STXBP4: variants seen among roughly 807,000 people sequenced by gnomAD.
STXBP4 encodes the protein syntaxin binding protein 4.
STXBP4 carries 55 observed loss-of-function variants against 76.1 expected under a neutral mutation model. The observed-to-expected ratio is 0.72, with a 90% CI of 0.58 to 0.91. The LOEUF (loss-of-function observed/expected upper bound fraction) is 0.91. Among genes scored for constraint, STXBP4 ranks in the 40% least tolerant of loss-of-function variants. The pLI is 0.00. For synonymous variants in STXBP4, 201 were observed against 220.2 expected, an observed-to-expected ratio of 0.91 and a Z score of 0.77; for missense variants, 618 against 636.9, an observed-to-expected ratio of 0.97 and a Z score of 0.32.
intron 16 of STXBP4, among the ~76,000 whole-genome samples, chr17:55,140,260 A>G (rs775523841): frequency 6.6e-6 from 1 of 152,118 alleles, no homozygotes; most frequent in Non-Finnish European, 1.5e-5. Flanking sequence ...ATAAGCTATA[A>G]TTGTGCTACT....
chr17:55,207,797 C>G, the STXBP4 span, among the ~76,000 whole-genome samples: 1 of 152,200 alleles, frequency 6.6e-6, no homozygotes, highest in Non-Finnish European at 1.5e-5. Flanking sequence ...CACGCACGTG[C>G]GCACGTGTGC....
At chr17:55,006,218 A>G (rs955422974) in intron 7 of STXBP4, among the ~76,000 whole-genome samples, 3 of 152,180 alleles carry the variant, frequency 2.0e-5, no homozygotes, top group Non-Finnish European at 2.9e-5. Flanking sequence ...CTTGACACCT[A>G]TAAGCTATAT....
At chr17:54,997,588 A>T (rs28460682) in intron 4 of STXBP4, among the ~76,000 whole-genome samples, 13 of 138,634 alleles carry the variant, frequency 9.4e-5, no homozygotes, top group Non-Finnish European at 1.5e-4. Flanking sequence ...ATATATATAT[A>T]TTTTATATAT....
intron 16 of STXBP4, among the ~76,000 whole-genome samples, chr17:55,137,935 G>A (rs960185856): frequency 2.7e-4 from 41 of 152,024 alleles, no homozygotes; most frequent in East Asian, 7.7e-4. Flanking sequence ...GATGAACATG[G>A]TATCTCATAA....
chr17:55,000,975 G>A (rs2077904667), intron 7 of STXBP4, 92 bp downstream of exon 7: 8 of 829,064 alleles, frequency 9.6e-6, no homozygotes, highest in Admixed American at 7.9e-5. Flanking sequence ...TTGAAGAAGG[G>A]TGAATTATGT....
chr17:55,073,443 T>C (rs550499006), intron 13 of STXBP4, among the ~76,000 whole-genome samples: 1 of 152,320 alleles, frequency 6.6e-6, no homozygotes, highest in East Asian at 1.9e-4. Flanking sequence ...AGGAATGGGT[T>C]TGCTCTTTGA....
intron 11 of STXBP4, chr17:55,044,519 C>A (rs1350514585): frequency 6.6e-6 from 1 of 151,768 alleles, no homozygotes; most frequent in East Asian, 1.9e-4. Context: ...TAAAAATAGG[C>A]AGGGCATGAT....
At chr17:55,037,526 C>T (rs1055924737) in intron 10 of STXBP4, among the ~76,000 whole-genome samples, 2 of 152,052 alleles carry the variant, frequency 1.3e-5, no homozygotes, top group African/African-American at 4.8e-5. Context: ...GAGACTTTGA[C>T]AGCAAAAGCA....
intron 10 of STXBP4, among the ~76,000 whole-genome samples, chr17:55,035,162 T>C (rs1289151400): frequency 1.3e-5 from 2 of 151,964 alleles, no homozygotes; most frequent in African/African-American, 4.8e-5. Flanking sequence ...CTATCTACCA[T>C]TTGAATGTTT....
At chr17:55,013,761 TGG>T (rs2078153802) in intron 8 of STXBP4, among the ~76,000 whole-genome samples, 1 of 152,242 alleles carries the variant, frequency 6.6e-6, no homozygotes, top group Non-Finnish European at 1.5e-5. Context: ...ACTCAAGTCT[TGG>T]GCTAATGCCT....
chr17:55,097,147 G>A (rs2079497474), intron 16 of STXBP4, among the ~76,000 whole-genome samples: 1 of 145,986 alleles, frequency 6.8e-6, no homozygotes, highest in Non-Finnish European at 1.5e-5. Flanking sequence ...TGCTATTTGT[G>A]TTTCTCATTT....
At chr17:55,021,532 C>T (rs2078309818) in intron 8 of STXBP4, among the ~76,000 whole-genome samples, 1 of 152,010 alleles carries the variant, frequency 6.6e-6, no homozygotes, top group Admixed American at 6.6e-5. Context: ...TAATCATAAT[C>T]ATAATTTTTT....
intron 10 of STXBP4, among the ~76,000 whole-genome samples, chr17:55,039,967 T>G (rs1368394495): frequency 3.3e-5 from 5 of 152,088 alleles, no homozygotes; most frequent in Non-Finnish European, 7.4e-5. Context: ...AGAGTGATAG[T>G]TGAGGCATAA....
intron 16 of STXBP4, among the ~76,000 whole-genome samples, chr17:55,098,259 G>GA (rs2145004216): frequency 6.6e-6 from 1 of 152,204 alleles, no homozygotes; most frequent in East Asian, 1.9e-4. Flanking sequence ...GCTTTCAAGT[G>GA]GCAGTAATTT....
At chr17:55,013,472 G>T (rs532484744) in intron 8 of STXBP4, among the ~76,000 whole-genome samples, 2 of 152,318 alleles carry the variant, frequency 1.3e-5, no homozygotes, top group Non-Finnish European at 2.9e-5. Context: ...TTATGCCAAG[G>T]AACTCTCTTA....
At chr17:55,138,634 G>GA (rs1419210146) in intron 16 of STXBP4, among the ~76,000 whole-genome samples, 2 of 151,964 alleles carry the variant, frequency 1.3e-5, no homozygotes, top group Middle Eastern at 3.4e-3. Flanking sequence ...AATATGAAAA[G>GA]AAAAAATAGA....
Position 55,153,521 on chromosome 17 carries a change from TGATA to T in STXBP4, c.1548-6271_1548-6268del, listed in dbSNP as rs144689549. The stretch of plus-strand genomic sequence containing the variant: ...ATTTGTAGTGTAGTCATTTTAACTC[TGATA>T]GATAAACATAACATTAGAATCATAT... On this transcript the variant is annotated intron_variant, in intron 17 of 17. Transcript: ENST00000376352. 7.0e-3 allele frequency among the ~76,000 whole-genome samples: 1,073 copies of T among 152,218 alleles called. 15 individuals carry two copies. The highest frequency in any genetic ancestry group is 0.024 in the African/African-American group (1,009 of 41,518).
chr17:55,193,312 G>A, the STXBP4 span, among the ~76,000 whole-genome samples: 1 of 152,124 alleles, frequency 6.6e-6, no homozygotes, highest in Non-Finnish European at 1.5e-5. Context: ...CCACATGCAA[G>A]GGAATCAAAT....
intron 17 of STXBP4, among the ~76,000 whole-genome samples, chr17:55,146,972 A>T (rs2080164055): frequency 6.6e-6 from 1 of 152,204 alleles, no homozygotes; most frequent in Admixed American, 6.5e-5. Flanking sequence ...TATGTGACCA[A>T]CCCTGGTTCA....
Sources: gnomAD v4.1 joint callset for allele counts (sites outside exome capture counted in the v4.1 genomes callset) on GRCh38, gnomAD v4.1.1 for gene constraint, MANE v1.5 for transcripts, NCBI Gene and HGNC (gene_info 2026-07-23, HGNC 2026-07-21) for gene names.